Variants in ATP8B4 observed in about 807,000 individuals in gnomAD.
ATP8B4 encodes probable phospholipid-transporting ATPase IM.
In ATP8B4, 133 loss-of-function variants were observed where a neutral mutation model predicts 145.6. That is an observed-to-expected ratio of 0.91 (90% CI 0.79 to 1.05). The LOEUF is 1.05. ATP8B4 is among the 50% of genes least tolerant of loss of function. The pLI is 0.00. For missense variants in ATP8B4, 1,458 were observed against 1,425.2 expected, an observed-to-expected ratio of 1.02 and a Z score of -0.37; for synonymous variants, 507 against 492.9, an observed-to-expected ratio of 1.03 and a Z score of -0.38.
chr15:50,071,658 A>G (rs180880141), intron 3 of ATP8B4, among the ~76,000 whole-genome samples: 163 of 152,356 alleles, frequency 1.1e-3, no homozygotes, highest in African/African-American at 3.8e-3. Flanking sequence ...ATGAAAAGGC[A>G]TGGGGCCAAG....
At chr15:50,030,806 T>C (rs1197597838) in intron 6 of ATP8B4, among the ~76,000 whole-genome samples, 2 of 152,250 alleles carry the variant, frequency 1.3e-5, no homozygotes, top group Admixed American at 1.3e-4. Context: ...GAAAGTGTTA[T>C]AATTTCCTCT....
At position 50,010,632 on chromosome 15, in the gene ATP8B4, GATACTC is replaced by G. The variant is rs1228000206; in HGVS notation, c.435+207_435+212del. Among the ~76,000 whole-genome samples the G allele has an allele frequency of 1.1e-4, 17 of 151,956 alleles. 1 individual carries two copies. Among genetic ancestry groups the G allele is most frequent in the Admixed American group, 1.1e-3 (17 of 15,244 alleles). ...AGATCTCTAGGGAAATGGACAAGGT[GATACTC>G]ATTCAACCTTATGTGAGTTGCCAAG... On this transcript the variant is annotated intron_variant, in intron 7 of 27. Coordinates refer to ENST00000284509, the MANE Select transcript of ATP8B4 (RefSeq NM_024837.4).
At chr15:50,002,082 T>A in intron 8 of ATP8B4, 71 bp downstream of exon 8, 2 of 1,288,318 alleles carry the variant, frequency 1.6e-6, no homozygotes, top group Non-Finnish European at 2.2e-6. Flanking sequence ...CAAGGTTAAG[T>A]CTTATCTCTA....
At chr15:50,077,084 A>G (rs1424410189) in intron 2 of ATP8B4, among the ~76,000 whole-genome samples, 2 of 152,220 alleles carry the variant, frequency 1.3e-5, no homozygotes, top group Non-Finnish European at 2.9e-5. Context: ...TTCCATATGT[A>G]AGAGGAATGA....
In ATP8B4 at chr15:49,877,247, T is replaced by C. The variant is rs115732315; in HGVS notation, c.2782-724A>G. ...GCACACAAATCGCCTGGGAAACAGA[T>C]TGTGATTCAATAGGGCTGAGGGCCC... On this transcript the variant is annotated intron_variant, in intron 24 of 27. Transcript: ENST00000284509. Among the ~76,000 whole-genome samples the C allele has an allele frequency of 2.9e-3, 446 of 152,264 alleles. 5 individuals carry two copies. The highest frequency in any genetic ancestry group is 0.01 in the African/African-American group (424 of 41,556).
At chr15:49,890,270 G>A (rs978863086) in intron 23 of ATP8B4, among the ~76,000 whole-genome samples, 2 of 152,136 alleles carry the variant, frequency 1.3e-5, no homozygotes, top group African/African-American at 2.4e-5. Context: ...TGTCAGGACT[G>A]GACAGAGAAA....
At chr15:50,023,253 T>A (rs545471762) in intron 6 of ATP8B4, among the ~76,000 whole-genome samples, 2 of 152,306 alleles carry the variant, frequency 1.3e-5, no homozygotes, top group East Asian at 3.9e-4. Context: ...CTCTTCTGAA[T>A]TCCTTTCTTA....
At chr15:49,888,808 G>A (rs1158172924) in intron 23 of ATP8B4, among the ~76,000 whole-genome samples, 1 of 152,114 alleles carries the variant, frequency 6.6e-6, no homozygotes. Context: ...AAATCTGGCT[G>A]GAAATCTCAT....
intron 26 of ATP8B4, among the ~76,000 whole-genome samples, chr15:49,864,501 C>T (rs534337915): frequency 1.4e-4 from 22 of 152,334 alleles, no homozygotes; most frequent in African/African-American, 5.1e-4. Context: ...ATTTCACACA[C>T]ACTAGAGATT....
At chr15:50,003,992 T>C (rs2048112588) in intron 7 of ATP8B4, among the ~76,000 whole-genome samples, 1 of 152,164 alleles carries the variant, frequency 6.6e-6, no homozygotes, top group Non-Finnish European at 1.5e-5. Flanking sequence ...CTAACTGTTC[T>C]TGCTCACTGT....
In ATP8B4 at chr15:49,859,992, C is replaced by T; in HGVS notation, c.*202G>A. 1 of 558,566 alleles carries T rather than the reference C, an allele frequency of 1.8e-6. No homozygotes were observed. Among genetic ancestry groups the T allele is most frequent in the South Asian group, 3.6e-5 (1 of 28,100 alleles). The allele number at this position is 558,566 out of a possible 1,614,324, so 34.6% of individuals were successfully genotyped here. On this transcript the variant is annotated 3_prime_UTR_variant, in exon 28 of 28. Transcript: ENST00000284509. ...AGTGTTTTGTCCACCAAATCACAAA[C>T]CAGACAGTGACCCTCTGGCCTGGTT...
intron 23 of ATP8B4, among the ~76,000 whole-genome samples, chr15:49,887,567 C>T (rs913943129): frequency 6.6e-6 from 1 of 152,054 alleles, no homozygotes; most frequent in Non-Finnish European, 1.5e-5. Flanking sequence ...AATATTTGTT[C>T]CCTATCTCCA....
At chr15:49,943,613 C>T (rs777179574) in intron 14 of ATP8B4, among the ~76,000 whole-genome samples, 2 of 151,950 alleles carry the variant, frequency 1.3e-5, no homozygotes, top group African/African-American at 4.8e-5. Flanking sequence ...AATAACAGAC[C>T]CAGCTAAACT....
At chr15:50,055,172 C>T (rs1324056757) in intron 3 of ATP8B4, among the ~76,000 whole-genome samples, 1 of 152,160 alleles carries the variant, frequency 6.6e-6, no homozygotes, top group Non-Finnish European at 1.5e-5. Context: ...CTGCCAAGAA[C>T]AAACTCCGCA....
intron 7 of ATP8B4, among the ~76,000 whole-genome samples, chr15:50,009,838 C>A (rs2048595468): frequency 6.6e-6 from 1 of 152,220 alleles, no homozygotes; most frequent in Admixed American, 6.5e-5. Flanking sequence ...TTATTTTTGG[C>A]TCCCAGCTAT....
intron 25 of ATP8B4, among the ~76,000 whole-genome samples, chr15:49,875,602 G>A (rs1001421171): frequency 5.3e-5 from 8 of 152,190 alleles, no homozygotes; most frequent in Non-Finnish European, 1.2e-4. Context: ...TGGAGGCCAA[G>A]GTGAGCAATT....
At chr15:49,996,467 T>G (rs1441520887) in intron 9 of ATP8B4, among the ~76,000 whole-genome samples, 1 of 152,078 alleles carries the variant, frequency 6.6e-6, no homozygotes, top group Non-Finnish European at 1.5e-5. Context: ...GAAACAAGCA[T>G]GAAATGAACG....
intron 1 of ATP8B4, among the ~76,000 whole-genome samples, chr15:50,132,048 G>T (rs1392053463): frequency 2.0e-4 from 1 of 5,034 alleles, no homozygotes. Context: ...CCTGATTATA[G>T]TACTCACACA....
intron 10 of ATP8B4, among the ~76,000 whole-genome samples, chr15:49,985,819 G>A (rs543285485): frequency 7.2e-5 from 11 of 152,198 alleles, no homozygotes; most frequent in East Asian, 5.8e-4. Context: ...ATCCTTTTCC[G>A]TATGCATTAT....
Sources: allele counts gnomAD v4.1 joint callset (sites outside exome capture counted in the v4.1 genomes callset), GRCh38; gene constraint gnomAD v4.1.1; transcripts MANE v1.5; gene names NCBI Gene and HGNC (gene_info 2026-07-23, HGNC 2026-07-21).